The following THSD7B variants were observed in gnomAD, a reference collection of about 807,000 sequenced individuals.
The protein encoded by THSD7B is thrombospondin type 1 domain containing 7B, also known as thrombospondin type-1 domain-containing protein 7B.
THSD7B carries 138 observed loss-of-function variants against 213.6 expected under a neutral mutation model. The ratio of observed to expected loss-of-function variants is 0.65; its 90% CI spans 0.56 to 0.74. The LOEUF (loss-of-function observed/expected upper bound fraction) is 0.74. Among genes scored for constraint, THSD7B ranks in the 30% least tolerant of loss-of-function variants. The pLI is 0.00. For missense variants in THSD7B, 1,931 were observed against 1,991.5 expected (o/e 0.97, Z 0.58); for synonymous variants, 742 against 687.0 (o/e 1.08, Z -1.25).
chr2:137,442,102 T>C (rs1687424905), intron 14 of THSD7B, among the ~76,000 whole-genome samples: 2 of 152,096 alleles, frequency 1.3e-5, no homozygotes, highest in South Asian at 2.1e-4. Context: ...AATTGAACTA[T>C]GGAGATTTAA....
intron 21 of THSD7B, among the ~76,000 whole-genome samples, chr2:137,646,478 C>T (rs923440188): frequency 8.7e-6 from 1 of 115,502 alleles, no homozygotes; most frequent in Admixed American, 9.3e-5. Context: ...CCCATCTCTA[C>T]TACAAATACA....
chr2:137,214,333 A>G (rs1681185813), intron 7 of THSD7B, among the ~76,000 whole-genome samples: 1 of 152,160 alleles, frequency 6.6e-6, no homozygotes, highest in Non-Finnish European at 1.5e-5. Flanking sequence ...TTGAACTATT[A>G]AAATGACAAC....
intron 15 of THSD7B, among the ~76,000 whole-genome samples, chr2:137,492,753 C>A (rs571112813): frequency 1.3e-5 from 2 of 152,146 alleles, no homozygotes; most frequent in South Asian, 2.1e-4. Context: ...CATAAATTAG[C>A]ACGTTAATAA....
chr2:136,778,096 GA>G (rs1055192618), intron 1 of THSD7B, among the ~76,000 whole-genome samples: 11 of 152,250 alleles, frequency 7.2e-5, no homozygotes, highest in African/African-American at 2.6e-4. Context: ...AATTATCATG[GA>G]AATAATCTTT....
intron 2 of THSD7B, among the ~76,000 whole-genome samples, chr2:136,892,517 G>C (rs746570221): frequency 2.1e-4 from 32 of 151,396 alleles, no homozygotes; most frequent in Non-Finnish European, 3.7e-4. Flanking sequence ...ACTGAAAAAA[G>C]GGCAAGGGAG....
chr2:137,625,134 A>G (rs1333792174), intron 20 of THSD7B, among the ~76,000 whole-genome samples: 2 of 152,144 alleles, frequency 1.3e-5, no homozygotes, highest in Admixed American at 1.3e-4. Flanking sequence ...ACCATGGAAT[A>G]CTATGCAGCC....
chr2:136,927,559 A>G (rs983143354), intron 2 of THSD7B, among the ~76,000 whole-genome samples: 1 of 152,190 alleles, frequency 6.6e-6, no homozygotes, highest in Admixed American at 6.5e-5. Context: ...AAGGTCACCT[A>G]TGTACCTAGC....
At chr2:137,009,523 G>T (rs1199878587) in intron 2 of THSD7B, among the ~76,000 whole-genome samples, 3 of 152,096 alleles carry the variant, frequency 2.0e-5, no homozygotes, top group African/African-American at 7.2e-5. Context: ...AATTTATAAA[G>T]AAATAGAGGT....
intron 2 of THSD7B, among the ~76,000 whole-genome samples, chr2:136,906,019 A>G (rs1373269740): frequency 1.3e-5 from 2 of 152,238 alleles, no homozygotes; most frequent in African/African-American, 4.8e-5. Flanking sequence ...CAATAGTGAG[A>G]AACACAGTCT....
At chr2:137,035,562 G>GT (rs566984360) in intron 2 of THSD7B, among the ~76,000 whole-genome samples, 4,911 of 144,578 alleles carry the variant, frequency 0.034, 206 homozygotes, top group African/African-American at 0.089. Context: ...GTTTTGTTTT[G>GT]TTTTTTTTTT....
chr2:137,281,911 ATATAC>A (rs1223600604), intron 12 of THSD7B, among the ~76,000 whole-genome samples: 13 of 152,184 alleles, frequency 8.5e-5, no homozygotes, highest in African/African-American at 3.1e-4. Context: ...TCCTTTGGGT[ATATAC>A]CCAGTAATGG....
intron 1 of THSD7B, among the ~76,000 whole-genome samples, chr2:136,810,312 G>A (rs1682354004): frequency 6.6e-6 from 1 of 152,082 alleles, no homozygotes; most frequent in South Asian, 2.1e-4. Context: ...ACAGACCTAG[G>A]TCATTTGTTT....
intron 14 of THSD7B, among the ~76,000 whole-genome samples, chr2:137,426,525 T>C (rs547114393): frequency 6.6e-6 from 1 of 152,194 alleles, no homozygotes; most frequent in Non-Finnish European, 1.5e-5. Flanking sequence ...GAAATAAATG[T>C]TGCGCTAGTA....
At chr2:136,799,534 C>A (rs4954437) in intron 1 of THSD7B, among the ~76,000 whole-genome samples, 101,144 of 151,740 alleles carry the variant, frequency 0.67, 33,855 homozygotes, top group East Asian at 0.8. Context: ...CTATATTGCA[C>A]ATCATTACTT....
At chr2:137,056,382 T>A (rs1251745036) in intron 2 of THSD7B, 38 bp from the exon 3 acceptor site, 8 of 1,567,748 alleles carry the variant, frequency 5.1e-6, no homozygotes, top group Non-Finnish European at 6.9e-6. Context: ...CTGAATGTAA[T>A]CTCTGAGTAA....
chr2:137,189,246 G>C (rs141327192), intron 7 of THSD7B, among the ~76,000 whole-genome samples: 1 of 152,112 alleles, frequency 6.6e-6, no homozygotes, highest in Non-Finnish European at 1.5e-5. Flanking sequence ...GTGAGGGTTC[G>C]TAAATTCTTG....
chr2:136,826,381 C>T (rs190646793), intron 1 of THSD7B, among the ~76,000 whole-genome samples: 1 of 152,314 alleles, frequency 6.6e-6, no homozygotes, highest in East Asian at 1.9e-4. Context: ...CGGATTCATC[C>T]TCTTTTCCCT....
At position 137,029,947 on chromosome 2, in the gene THSD7B, T is replaced by C. The variant is rs143071649; in HGVS notation, c.140-26473T>C. Among the ~76,000 whole-genome samples the C allele has an allele frequency of 2.4e-3, 371 of 152,330 alleles. 4 individuals are homozygous for C. Among genetic ancestry groups the C allele is most frequent in the African/African-American group, 8.1e-3 (337 of 41,562 alleles). On this transcript the variant is annotated intron_variant, in intron 2 of 27. Transcript: ENST00000409968. ...CTAATAGGGAAGAGGTATGTCTTCA[T>C]TCAACTTATATTGGTCATATATTTG... is the stretch of plus-strand genomic sequence containing the variant.
At chr2:137,339,871 A>G (rs1337144650) in intron 12 of THSD7B, among the ~76,000 whole-genome samples, 2 of 150,066 alleles carry the variant, frequency 1.3e-5, no homozygotes, top group African/African-American at 4.9e-5. Context: ...AGGGAAAAGA[A>G]TGGCCTTTTT....
Sources: allele counts gnomAD v4.1 joint callset (sites outside exome capture counted in the v4.1 genomes callset), GRCh38; gene constraint gnomAD v4.1.1; transcripts MANE v1.5; gene names NCBI Gene and HGNC (gene_info 2026-07-23, HGNC 2026-07-21).